The following ARHGAP5 variants were observed in gnomAD, a reference collection of about 807,000 sequenced individuals.
ARHGAP5 encodes rho GTPase-activating protein 5.
A neutral mutation model predicts 116.6 loss-of-function variants in ARHGAP5; 23 were observed. The ratio of observed to expected loss-of-function variants is 0.20; its 90% CI spans 0.14 to 0.28. The LOEUF is 0.28. Ranked by LOEUF, ARHGAP5 falls within the 10% of genes least tolerant of loss-of-function variation. ARHGAP5 has a pLI of 1.00. For synonymous variants in ARHGAP5, 574 were observed against 602.0 expected, an observed-to-expected ratio of 0.95 and a Z score of 0.68; for missense variants, 1,405 against 1,774.8, an observed-to-expected ratio of 0.79 and a Z score of 3.74.
chr14:32,137,857 A>G (rs1280581659), intron 3 of ARHGAP5, among the ~76,000 whole-genome samples: 1 of 151,948 alleles, frequency 6.6e-6, no homozygotes, highest in East Asian at 1.9e-4. Context: ...CTGTAATCCC[A>G]GCTACTCAGG....
chr14:32,139,929 A>G (rs1881007905), intron 3 of ARHGAP5, among the ~76,000 whole-genome samples: 1 of 150,932 alleles, frequency 6.6e-6, no homozygotes, highest in Non-Finnish European at 1.5e-5. Flanking sequence ...ATAAAAAGAA[A>G]ACATTTATTT....
At chr14:32,095,196 A>G (rs1173845451) in intron 2 of ARHGAP5, among the ~76,000 whole-genome samples, 1 of 152,102 alleles carries the variant, frequency 6.6e-6, no homozygotes, top group Admixed American at 6.5e-5. Context: ...GTAAATTATC[A>G]ATATTTATTT....
intron 3 of ARHGAP5, among the ~76,000 whole-genome samples, chr14:32,144,522 C>T (rs1167547705): frequency 2.6e-5 from 4 of 151,868 alleles, no homozygotes; most frequent in Admixed American, 6.6e-5. Flanking sequence ...CTCGCTCTGT[C>T]GCCGAGGCTG....
intron 3 of ARHGAP5, among the ~76,000 whole-genome samples, chr14:32,131,584 G>A (rs187053193): frequency 1.4e-3 from 220 of 151,836 alleles, no homozygotes; most frequent in Non-Finnish European, 2.5e-4. Flanking sequence ...TTTGTTTTTT[G>A]TTTTTTGTTA....
At chr14:32,095,410 T>G (rs1878473231) in intron 2 of ARHGAP5, among the ~76,000 whole-genome samples, 1 of 149,598 alleles carries the variant, frequency 6.7e-6, no homozygotes, top group African/African-American at 2.5e-5. Flanking sequence ...TGTTTTTTTT[T>G]TTTTTGTTTT....
chr14:32,110,007 T>G (rs1214230375), intron 2 of ARHGAP5, among the ~76,000 whole-genome samples: 1 of 152,158 alleles, frequency 6.6e-6, no homozygotes, highest in East Asian at 1.9e-4. Context: ...CACTCTTATT[T>G]GTTGTTTATT....
intron 3 of ARHGAP5, among the ~76,000 whole-genome samples, chr14:32,142,377 TC>T (rs1881168319): frequency 6.6e-6 from 1 of 152,352 alleles, no homozygotes; most frequent in Admixed American, 6.5e-5. Context: ...TGAAATTCTT[TC>T]CCCTCACCAG....
At chr14:32,131,642 G>C (rs191106826) in intron 3 of ARHGAP5, among the ~76,000 whole-genome samples, 4 of 152,212 alleles carry the variant, frequency 2.6e-5, no homozygotes, top group African/African-American at 7.2e-5. Context: ...GTGCAGGTTT[G>C]TTACATATGT....
chr14:32,094,024 A>G lies in ARHGAP5; in HGVS notation c.3355A>G (p.Ile1119Val). 2.5e-6 allele frequency: 4 copies of G among 1,613,112 alleles called. No homozygotes were observed. The highest frequency in any genetic ancestry group is 1.7e-4 in the Middle Eastern group (1 of 6,052). Residue 1119 changes from isoleucine to valine, a missense_variant, in exon 2 of 7, where the codon ATT becomes GTT. By Grantham distance (29) the Ile-to-Val change is conservative (BLOSUM62 3). This residue lies in a region of ARHGAP5 where 944 missense variants were observed against 1,095.3 expected (regional missense o/e 0.86). Coordinates refer to ENST00000345122, the MANE Select transcript of ARHGAP5 (RefSeq NM_001030055.2). ...YVVPDDSQNR[I>V]KIRNSFVNNT... The stretch of plus-strand genomic sequence containing the variant: ...TGTCCCAGATGATAGTCAAAATCGT[A>G]TTAAAATTCGAAACTCATTTGTAAA...
chr14:32,081,736 T>A (rs1023831366), intron 1 of ARHGAP5, among the ~76,000 whole-genome samples: 1 of 152,068 alleles, frequency 6.6e-6, no homozygotes, highest in Non-Finnish European at 1.5e-5. Flanking sequence ...TTGGAAAAAC[T>A]CTCACCTTGG....
intron 3 of ARHGAP5, among the ~76,000 whole-genome samples, chr14:32,123,520 G>T (rs1265977999): frequency 6.6e-6 from 1 of 151,464 alleles, no homozygotes; most frequent in Non-Finnish European, 1.5e-5. Flanking sequence ...TACTAATTCT[G>T]TTCTATATCA....
chr14:32,121,829 A>G (rs1368754060), intron 3 of ARHGAP5, among the ~76,000 whole-genome samples: 1 of 152,196 alleles, frequency 6.6e-6, no homozygotes, highest in East Asian at 1.9e-4. Context: ...TATAAATTGA[A>G]TAATATATAA....
At chr14:32,138,463 T>A (rs1292813093) in intron 3 of ARHGAP5, among the ~76,000 whole-genome samples, 1 of 152,158 alleles carries the variant, frequency 6.6e-6, no homozygotes, top group Non-Finnish European at 1.5e-5. Flanking sequence ...TTTATATTTT[T>A]AGTAGCGATG....
chr14:32,147,866 A>G (rs1220687567), intron 4 of ARHGAP5, among the ~76,000 whole-genome samples: 1 of 152,202 alleles, frequency 6.6e-6, no homozygotes, highest in East Asian at 1.9e-4. Context: ...TTTTTAAAAA[A>G]TATTGGCCAG....
At chr14:32,081,384 G>A (rs1174127612) in intron 1 of ARHGAP5, among the ~76,000 whole-genome samples, 1 of 151,998 alleles carries the variant, frequency 6.6e-6, no homozygotes, top group Non-Finnish European at 1.5e-5. Context: ...GCACAGGTAA[G>A]TAGAGGACAG....
At chr14:32,147,726 A>ATG (rs2139141862) in intron 4 of ARHGAP5, among the ~76,000 whole-genome samples, 1 of 152,354 alleles carries the variant, frequency 6.6e-6, no homozygotes, top group East Asian at 1.9e-4. Flanking sequence ...CCAAGAAGCC[A>ATG]TGTAAAATAA....
chr14:32,117,947 C>A (rs1005107336), intron 3 of ARHGAP5, among the ~76,000 whole-genome samples: 2 of 152,090 alleles, frequency 1.3e-5, no homozygotes, highest in Non-Finnish European at 2.9e-5. Flanking sequence ...AAAATGAACA[C>A]GAGTTAACCA....
At chr14:32,077,706 G>A (rs1210188551) in intron 1 of ARHGAP5, among the ~76,000 whole-genome samples, 2 of 152,128 alleles carry the variant, frequency 1.3e-5, no homozygotes, top group African/African-American at 2.4e-5. Flanking sequence ...GGCCAGGGTC[G>A]GCGGAGGCCT....
At chr14:32,082,357 T>A (rs1170221781) in intron 1 of ARHGAP5, among the ~76,000 whole-genome samples, 1 of 152,222 alleles carries the variant, frequency 6.6e-6, no homozygotes, top group African/African-American at 2.4e-5. Context: ...TGAACTTGCC[T>A]TGTTTCATTA....
Sources: gnomAD v4.1 joint callset for allele counts (sites outside exome capture counted in the v4.1 genomes callset) on GRCh38, gnomAD v4.1.1 for gene constraint, gnomAD v4.1.1 regional missense constraint, MANE v1.5 for transcripts, NCBI Gene and HGNC (gene_info 2026-07-23, HGNC 2026-07-21) for gene names.